The following PIK3C2B variants were observed in gnomAD, a reference collection of about 807,000 sequenced individuals.
PIK3C2B encodes phosphatidylinositol-4-phosphate 3-kinase catalytic subunit type 2 beta.
In PIK3C2B, 83 loss-of-function variants were observed where a neutral mutation model predicts 184.3. The observed-to-expected ratio is 0.45, with a 90% CI of 0.38 to 0.54. The LOEUF (loss-of-function observed/expected upper bound fraction) is 0.54. Ranked by LOEUF, PIK3C2B falls within the 20% of genes least tolerant of loss-of-function variation. The pLI is 0.00. For synonymous variants in PIK3C2B, 779 were observed against 837.6 expected (o/e 0.93, Z 1.21); for missense variants, 1,736 against 2,113.5 (o/e 0.82, Z 3.50).
intron 1 of PIK3C2B, among the ~76,000 whole-genome samples, chr1:204,475,559 A>G (rs61817931): frequency 0.022 from 3,414 of 152,220 alleles, 64 homozygotes; most frequent in Middle Eastern, 0.058. Flanking sequence ...CTTCAGACAC[A>G]GGACTGGGTT....
Position 204,444,152 on chromosome 1 carries a change from T to C in PIK3C2B, c.2783A>G (p.Tyr928Cys). 1 of 1,612,562 alleles carries C rather than the reference T, an allele frequency of 6.2e-7. No homozygotes were observed. The highest frequency in any genetic ancestry group is 8.5e-7 in the Non-Finnish European group (1 of 1,178,516). Reference protein sequence around the residue: ...YLPQLVQALKYECYLDSPLVR... With the variant: ...YLPQLVQALKCECYLDSPLVR... Reference sequence around the variant, plus strand: ...CAACGGGCTGTCCAGGTAGCATTCATACTTCAGGGCCTGTTTCGGAGAAAG... The same window carrying C: ...CAACGGGCTGTCCAGGTAGCATTCACACTTCAGGGCCTGTTTCGGAGAAAG... The change falls in exon 18 of 33, where the codon TAT becomes TGT. Residue 928 changes from tyrosine to cysteine, a missense_variant. This residue lies in a region of PIK3C2B where 289 missense variants were observed against 380.4 expected (regional missense o/e 0.76). Transcript: ENST00000684373.
rs762150656 is a variant in PIK3C2B at position 204,427,740 on chromosome 1, G to A, written c.4495C>T (p.Arg1499Trp). ...APKSSDGTWARPVGKVGGEVK... is the reference protein window; with the variant it reads ...APKSSDGTWAWPVGKVGGEVK... ...TCCCCTCCCACCTTTCCGACGGGCC[G>A]GGCCCATGTGCCATCTGTAGGGACA... The change falls in exon 31 of 33, where the codon CGG becomes TGG. Residue 1499 changes from arginine (R) to tryptophan (W), a missense_variant. By Grantham distance (101) the Arg-to-Trp change is moderately radical. Transcript: ENST00000684373. 37 of 1,613,174 alleles carry A rather than the reference G, an allele frequency of 2.3e-5. No homozygotes were observed. Among genetic ancestry groups the A allele is most frequent in the East Asian group, 4.5e-5 (2 of 44,900 alleles).
At position 204,456,203 on chromosome 1, in the gene PIK3C2B, G is replaced by A. The variant is rs905982625; in HGVS notation, c.1748-152C>T. On this transcript the variant is annotated intron_variant, in intron 10 of 32. Transcript: ENST00000684373. ...GCTGTGACAAAGTTCACCCATCTGCGGTAAAATGAGAAAAAAGCAGAAGCA... is the reference window on the plus strand; with the variant it reads ...GCTGTGACAAAGTTCACCCATCTGCAGTAAAATGAGAAAAAAGCAGAAGCA... The A allele has an allele frequency of 8.3e-5, 43 of 519,246 alleles. No individual in the cohort carries two copies. In the South Asian group the frequency reaches 9.3e-4, roughly 11 times the overall value. The allele number at this position is 519,246 out of a possible 1,614,324, so 32.2% of individuals were successfully genotyped here. A position where few individuals can be genotyped will look rare whatever the true frequency, so the allele number is the denominator to read the frequency against.
At chr1:204,434,975 T>C (rs1376420997) in intron 23 of PIK3C2B, among the ~76,000 whole-genome samples, 2 of 152,162 alleles carry the variant, frequency 1.3e-5, no homozygotes, top group African/African-American at 4.8e-5. Context: ...AAGACTGACA[T>C]TTACAACTTC....
At position 204,447,883 on chromosome 1, in the gene PIK3C2B, C is replaced by A. The variant is rs1307333131; in HGVS notation, c.2347-305G>T. Reference sequence around the variant, plus strand: ...CCAGAACTCTGAACAGAGGTGTCACCCAGCTGAAACACGGGGTGCATCCAG... The same window carrying A: ...CCAGAACTCTGAACAGAGGTGTCACACAGCTGAAACACGGGGTGCATCCAG... On this transcript the variant is annotated intron_variant, in intron 14 of 32. Transcript: ENST00000684373. This position sits in a 1 kb window ranked among gnomAD's most constrained non-coding sequence, Gnocchi z 4.1. Among the ~76,000 whole-genome samples the A allele has an allele frequency of 6.6e-6, 1 of 152,110 alleles. No homozygotes were observed. Among genetic ancestry groups the A allele is most frequent in the Non-Finnish European group, 1.5e-5 (1 of 68,016 alleles).
Position 204,427,641 on chromosome 1 carries a change from C to A in PIK3C2B, c.4587+7G>T. The A allele has an allele frequency of 6.3e-7, 1 of 1,583,220 alleles. No homozygotes were observed. Among genetic ancestry groups the A allele is most frequent in the East Asian group, 2.2e-5 (1 of 44,740 alleles). On this transcript the variant is annotated splice_region_variant and intron_variant, in intron 31 of 32. Coordinates refer to ENST00000684373, the MANE Select transcript of PIK3C2B (RefSeq NM_001377334.1). ...AGAAAAAAAATCACGGCTGTGCAGG[C>A]ACTTACCAAGCCCCGAATATGCATC...
chr1:204,493,786 A>G (rs748917207), intron 1 of PIK3C2B, among the ~76,000 whole-genome samples: 1 of 152,184 alleles, frequency 6.6e-6, no homozygotes, highest in Non-Finnish European at 1.5e-5. Context: ...GCCTTCTCCC[A>G]GCACCGGCGA....
Position 204,459,943 on chromosome 1 carries a change from TGGGAGTTGGG to T in PIK3C2B, c.1503-12_1503-3del. ...TCGAACAGAAGACTCAGGGCCTGCC[TGGGAGTTGGG>T]GGCAGGGAAAAACCACAGGAGAGGT... On this transcript the variant is annotated splice_polypyrimidine_tract_variant and splice_region_variant and intron_variant, in intron 7 of 32. Coordinates refer to ENST00000684373, the MANE Select transcript of PIK3C2B (RefSeq NM_001377334.1). The T allele has an allele frequency of 6.2e-7, 1 of 1,613,598 alleles. No homozygotes were observed.
intron 11 of PIK3C2B, among the ~76,000 whole-genome samples, chr1:204,455,159 C>G (rs145155441): frequency 6.6e-6 from 1 of 152,230 alleles, no homozygotes; most frequent in Non-Finnish European, 1.5e-5. Flanking sequence ...GGGAGGAAGA[C>G]GACATATGCC....
chr1:204,428,530 T>TTGTG (rs1177120690), intron 29 of PIK3C2B, among the ~76,000 whole-genome samples: 1 of 150,978 alleles, frequency 6.6e-6, no homozygotes, highest in Non-Finnish European at 1.5e-5. Context: ...GTAATTTACT[T>TTGTG]TGTTTGTTTG....
Position 204,457,700 on chromosome 1 carries a change from C to A in PIK3C2B, c.1713+28G>T. ...CCTGACAGTATCCCTCTCTTCCTTT[C>A]CCCTGCTAGCACCCTGGGCCCCTTT... On this transcript the variant is annotated intron_variant, in intron 9 of 32. Coordinates refer to ENST00000684373, the MANE Select transcript of PIK3C2B (RefSeq NM_001377334.1). 2.5e-6 allele frequency: 4 copies of A among 1,576,768 alleles called. No individual in the cohort carries two copies. The highest frequency in any genetic ancestry group is 2.3e-5 in the South Asian group (2 of 85,566).
At chr1:204,465,695 C>CTG (rs1208555156) in intron 2 of PIK3C2B, among the ~76,000 whole-genome samples, 2 of 152,228 alleles carry the variant, frequency 1.3e-5, no homozygotes, top group Non-Finnish European at 2.9e-5. Context: ...GAGCAGACAG[C>CTG]TGTTTTTCCC....
intron 5 of PIK3C2B, among the ~76,000 whole-genome samples, chr1:204,463,698 C>G (rs140273295): frequency 1.3e-5 from 2 of 151,460 alleles, no homozygotes; most frequent in Admixed American, 6.6e-5. Context: ...ATAGTCTCCC[C>G]AAGCCCACCC....
chr1:204,452,650 C>A lies in PIK3C2B; in HGVS notation c.2066+2019G>T, dbSNP rs1476877411. On this transcript the variant is annotated intron_variant, in intron 12 of 32. Transcript: ENST00000684373. ...AGGACCTTTAATGCACACCCCATGTCCTTTTTTTTTTTTTTTTTTTTTAAG... is the reference window on the plus strand; with the variant it reads ...AGGACCTTTAATGCACACCCCATGTACTTTTTTTTTTTTTTTTTTTTTAAG... Among the ~76,000 whole-genome samples the A allele has an allele frequency of 6.4e-5, 6 of 94,320 alleles. 1 individual carries two copies. The East Asian group carries it at 1.9e-3, about 29-fold the overall frequency. The allele number at this position is 94,320 out of a possible 152,430, so 61.9% of individuals were successfully genotyped here. A position where few individuals can be genotyped will look rare whatever the true frequency, so the allele number is the denominator to read the frequency against.
chr1:204,460,866 A>G (rs931493318), intron 5 of PIK3C2B, among the ~76,000 whole-genome samples: 4 of 152,170 alleles, frequency 2.6e-5, no homozygotes, highest in Admixed American at 6.5e-5. Flanking sequence ...AAAGCCACCT[A>G]ATATACTTAA....
chr1:204,486,787 A>T (rs1007264069), intron 1 of PIK3C2B, among the ~76,000 whole-genome samples: 3 of 152,168 alleles, frequency 2.0e-5, no homozygotes, highest in African/African-American at 7.2e-5. Context: ...ACTTTTAAGT[A>T]ACATCCTTCA....
intron 2 of PIK3C2B, among the ~76,000 whole-genome samples, chr1:204,466,292 C>G (rs2999483): frequency 0.85 from 129,888 of 152,188 alleles, 57,849 homozygotes; most frequent in Non-Finnish European, 0.98. Flanking sequence ...CTGTTTCTGG[C>G]GGGAGTCTAG....
intron 1 of PIK3C2B, among the ~76,000 whole-genome samples, chr1:204,477,025 T>G (rs1656763536): frequency 6.6e-6 from 1 of 152,214 alleles, no homozygotes; most frequent in East Asian, 1.9e-4. Flanking sequence ...CTTTGCAAAG[T>G]GTTTGTAAGA....
Position 204,454,713 on chromosome 1 carries a change from A to G in PIK3C2B, c.2022T>C (p.Ala674=), listed in dbSNP as rs766836490. The part of the protein sequence containing the change: ...ELCSPLQTRR[A]HFSKYLFHLI... The stretch of plus-strand genomic sequence containing the variant: ...GGTGGAAGAGGTACTTGGAGAAGTG[A>G]GCTCTTCGGGTCTGCAGGGGGCTGC... The change falls in exon 12 of 33, where the codon GCT becomes GCC. Residue 674 remains alanine, a synonymous_variant. Coordinates refer to ENST00000684373, the MANE Select transcript of PIK3C2B (RefSeq NM_001377334.1). 24 of 1,613,342 alleles carry G rather than the reference A, an allele frequency of 1.5e-5. No homozygotes were observed. Among genetic ancestry groups the G allele is most frequent in the Non-Finnish European group, 2.0e-5 (24 of 1,179,980 alleles).
Sources: allele counts gnomAD v4.1 joint callset (sites outside exome capture counted in the v4.1 genomes callset), GRCh38; gene constraint gnomAD v4.1.1; regional missense constraint gnomAD v4.1.1; non-coding constraint Gnocchi (gnomAD v3.1); transcripts MANE v1.5; gene names NCBI Gene and HGNC (gene_info 2026-07-23, HGNC 2026-07-21).